The following GRAMD1C variants were observed in gnomAD, a reference collection of about 807,000 sequenced individuals.
The protein encoded by GRAMD1C is protein Aster-C.
Under a neutral mutation model 97.8 loss-of-function variants are expected in GRAMD1C, and 89 were observed. That is an observed-to-expected ratio of 0.91 (90% CI 0.77 to 1.09). GRAMD1C has a LOEUF of 1.09. GRAMD1C is among the 50% of genes least tolerant of loss of function. GRAMD1C has a pLI of 0.00. For synonymous variants in GRAMD1C, 256 were observed against 267.0 expected, an observed-to-expected ratio of 0.96 and a Z score of 0.40; for missense variants, 740 against 766.4, an observed-to-expected ratio of 0.97 and a Z score of 0.41.
intron 6 of GRAMD1C, among the ~76,000 whole-genome samples, chr3:113,897,316 GC>G (rs752601439): frequency 6.6e-6 from 1 of 152,136 alleles, no homozygotes; most frequent in Non-Finnish European, 1.5e-5. Flanking sequence ...AAATAATATT[GC>G]AGTAGCTGTT....
chr3:113,920,274 G>A (rs1936990280), intron 10 of GRAMD1C: 3 of 633,524 alleles, frequency 4.7e-6, no homozygotes, highest in Non-Finnish European at 7.8e-6. Context: ...GGTTGAAGAT[G>A]GTTGCAGCTG....
At chr3:113,882,572 T>C (rs567863884) in intron 5 of GRAMD1C, among the ~76,000 whole-genome samples, 180 bp from the exon 6 acceptor site, 2 of 152,192 alleles carry the variant, frequency 1.3e-5, no homozygotes, top group South Asian at 4.1e-4. Context: ...CTTGTTCATA[T>C]AGCAACTACC....
rs1470936597 is a variant in GRAMD1C, at chr3:113,838,807, G to C, written c.-103G>C. ...GGAAGTACTCGGAGGGCCGGCGGAG[G>C]AGGCGCGCGGAGCCTGTAACTCGCA... On this transcript the variant is annotated 5_prime_UTR_variant, in exon 1 of 18. Transcript: ENST00000358160. 2.5e-6 allele frequency: 2 copies of C among 811,248 alleles called. No homozygotes were observed. The highest frequency in any genetic ancestry group is 3.3e-6 in the Non-Finnish European group (2 of 607,710). 50.3% of individuals were successfully genotyped at this position (811,248 alleles called of 1,614,324 possible).
intron 2 of GRAMD1C, 106 bp from the exon 3 acceptor site, chr3:113,869,401 C>T (rs1474678848): frequency 1.0e-5 from 7 of 689,022 alleles, no homozygotes; most frequent in Admixed American, 2.9e-5. Context: ...TAAGGACATA[C>T]AAAATATTGC....
intron 2 of GRAMD1C, among the ~76,000 whole-genome samples, chr3:113,868,756 CCT>C (rs1934677882): frequency 6.6e-6 from 1 of 152,226 alleles, no homozygotes; most frequent in African/African-American, 2.4e-5. Flanking sequence ...TTTATGTTCC[CCT>C]GAGACCTCTT....
chr3:113,908,950 C>A lies in GRAMD1C; in HGVS notation c.790-8C>A. ...TTTTATTTTGAAACTGGATTGTTTA[C>A]CTTTTAGGGATTAGGCAAAGAGGAG... is the stretch of plus-strand genomic sequence containing the variant. On this transcript the variant is annotated splice_region_variant and splice_polypyrimidine_tract_variant and intron_variant, in intron 8 of 17. Coordinates refer to ENST00000358160, the MANE Select transcript of GRAMD1C (RefSeq NM_017577.5). 6.5e-7 allele frequency: 1 copy of A among 1,530,048 alleles called. No individual in the cohort carries two copies. Among genetic ancestry groups the A allele is most frequent in the Non-Finnish European group, 8.8e-7 (1 of 1,139,662 alleles). The allele number at this position is 1,530,048 out of a possible 1,614,324, so 94.8% of individuals were successfully genotyped here. A position where few individuals can be genotyped will look rare whatever the true frequency, so the allele number is the denominator to read the frequency against.
chr3:113,887,086 T>TTTTTTG (rs1559795607), intron 6 of GRAMD1C, among the ~76,000 whole-genome samples: 185 of 61,336 alleles, frequency 3.0e-3, no homozygotes, highest in South Asian at 9.7e-3. Flanking sequence ...GGCCTTTTTG[T>TTTTTTG]TTTTTTTTTG....
intron 10 of GRAMD1C, among the ~76,000 whole-genome samples, chr3:113,925,612 C>T (rs753430317): frequency 1.3e-5 from 2 of 152,204 alleles, no homozygotes; most frequent in African/African-American, 2.4e-5. Flanking sequence ...TGGATTTTAT[C>T]TTGTCATTGT....
At chr3:113,877,457 C>T (rs1165065227) in intron 5 of GRAMD1C, among the ~76,000 whole-genome samples, 1 of 152,152 alleles carries the variant, frequency 6.6e-6, no homozygotes, top group African/African-American at 2.4e-5. Flanking sequence ...TTATCATGCT[C>T]TTTAATTTCC....
rs1386461938 is a variant in GRAMD1C, at chr3:113,920,152, AT to A, written c.1090+4317del. 79 of 1,413,892 alleles carry A rather than the reference AT, an allele frequency of 5.6e-5. No homozygotes were observed. In the African/African-American group the frequency reaches 1.0e-3, roughly 18 times the overall value. 87.6% of individuals were successfully genotyped at this position (1,413,892 alleles called of 1,614,324 possible). A position where few individuals can be genotyped will look rare whatever the true frequency, so the allele number is the denominator to read the frequency against. On this transcript the variant is annotated intron_variant, in intron 10 of 17. Transcript: ENST00000358160. ...AACAGAGAAAAAACTTTCACCAGTG[AT>A]TTGAATCTCCAGAATCACAGGCATC... is the stretch of plus-strand genomic sequence containing the variant.
chr3:113,849,766 A>G (rs1251043607), intron 2 of GRAMD1C, among the ~76,000 whole-genome samples: 2 of 151,744 alleles, frequency 1.3e-5, no homozygotes, highest in African/African-American at 4.8e-5. Context: ...ATTCCACAAA[A>G]CCGCCATTGT....
chr3:113,919,188 G>A, intron 10 of GRAMD1C: 1 of 336,008 alleles, frequency 3.0e-6, no homozygotes, highest in South Asian at 2.6e-5. Context: ...GTGAAAAGGA[G>A]TAAAGTAGCG....
intron 2 of GRAMD1C, 95 bp from the exon 3 acceptor site, chr3:113,869,412 A>G: frequency 1.4e-6 from 1 of 723,816 alleles, no homozygotes; most frequent in Non-Finnish European, 2.4e-6. Context: ...AAAATATTGC[A>G]TAGAAAGCAT....
intron 6 of GRAMD1C, among the ~76,000 whole-genome samples, chr3:113,886,400 C>T (rs1027283033): frequency 3.9e-5 from 6 of 152,070 alleles, no homozygotes; most frequent in African/African-American, 1.4e-4. Context: ...TGTTGTGATT[C>T]GATTTTTTTA....
chr3:113,919,523 A>C, intron 10 of GRAMD1C: 2 of 546,520 alleles, frequency 3.7e-6, no homozygotes, highest in Non-Finnish European at 7.4e-6. Flanking sequence ...TGGAGAACTG[A>C]CTCAGAGAAG....
At chr3:113,935,546 A>G (rs1329738737) in intron 13 of GRAMD1C, among the ~76,000 whole-genome samples, 3 of 151,844 alleles carry the variant, frequency 2.0e-5, no homozygotes, top group South Asian at 4.2e-4. Flanking sequence ...ACGTGTGTGT[A>G]TATATATATA....
intron 6 of GRAMD1C, chr3:113,897,638 T>C: frequency 1.0e-6 from 1 of 984,296 alleles, no homozygotes; most frequent in Non-Finnish European, 1.2e-6. Context: ...ATAGTTGTCA[T>C]TAAATATTTG....
At chr3:113,873,250 A>T (rs1934905364) in intron 3 of GRAMD1C, among the ~76,000 whole-genome samples, 1 of 152,098 alleles carries the variant, frequency 6.6e-6, no homozygotes, top group Admixed American at 6.6e-5. Flanking sequence ...ACAGAGCAAG[A>T]CCCTGTTTCA....
chr3:113,884,520 A>T (rs370425292), intron 6 of GRAMD1C, among the ~76,000 whole-genome samples: 41 of 152,328 alleles, frequency 2.7e-4, no homozygotes, highest in African/African-American at 8.9e-4. Context: ...TAGTGAATCA[A>T]TAACCTATAT....
Sources: allele counts gnomAD v4.1 joint callset (sites outside exome capture counted in the v4.1 genomes callset), GRCh38; gene constraint gnomAD v4.1.1; transcripts MANE v1.5; gene names NCBI Gene and HGNC (gene_info 2026-07-23, HGNC 2026-07-21).